RPS29: variants seen among roughly 807,000 people sequenced by gnomAD.
The protein encoded by RPS29 is ribosomal protein S29, also known as small ribosomal subunit protein uS14.
For missense variants in RPS29, 60 were observed against 75.7 expected, an observed-to-expected ratio of 0.79 and a Z score of 0.77; for synonymous variants, 37 against 26.9, an observed-to-expected ratio of 1.37 and a Z score of -1.16.
At chr14:49,588,870 T>A (rs1881650262), upstream of RPS29, among the ~76,000 whole-genome samples, 1 of 142,736 alleles carries the variant, frequency 7.0e-6, no homozygotes, top group African/African-American at 2.5e-5. Flanking sequence ...TTACAGTTTC[T>A]GAGTCCTTTT....
chr14:49,588,536 C>CAT (rs1566484446), upstream of RPS29, among the ~76,000 whole-genome samples: 1 of 150,416 alleles, frequency 6.6e-6, no homozygotes, highest in Non-Finnish European at 1.5e-5. Context: ...GTTTTTTTTC[C>CAT]TTTTTTTTTG....
chr14:49,580,081 G>C (rs1228670491), downstream of RPS29, among the ~76,000 whole-genome samples: 1 of 152,148 alleles, frequency 6.6e-6, no homozygotes, highest in Non-Finnish European at 1.5e-5. Flanking sequence ...TCTAGGGAGT[G>C]TTTCCCTTCC....
chr14:49,580,793 G>A (rs1200153054), downstream of RPS29, among the ~76,000 whole-genome samples: 2 of 152,002 alleles, frequency 1.3e-5, no homozygotes, highest in African/African-American at 4.8e-5. Context: ...GCTGAGGCAG[G>A]AGAATCGCCT....
exon 3 of RPS29, chr14:49,573,954 A>C (rs1881116937): frequency 6.6e-6 from 1 of 152,242 alleles, no homozygotes; most frequent in African/African-American, 2.4e-5. Flanking sequence ...CCAAGAGGCA[A>C]GTTTCATTTC....
At chr14:49,584,471 C>A (rs1305216037) in intron 2 of RPS29, among the ~76,000 whole-genome samples, 1 of 152,180 alleles carries the variant, frequency 6.6e-6, no homozygotes, top group East Asian at 1.9e-4. Flanking sequence ...TTCATATTAA[C>A]AATTTACAAC....
At chr14:49,581,783 CTT>C (rs1354528340), downstream of RPS29, among the ~76,000 whole-genome samples, 1 of 152,088 alleles carries the variant, frequency 6.6e-6, no homozygotes, top group Non-Finnish European at 1.5e-5. Context: ...AATCCCAACA[CTT>C]TGAGAGACCA....
chr14:49,578,130 G>A (rs777199255), intron 2 of RPS29, among the ~76,000 whole-genome samples: 1 of 151,246 alleles, frequency 6.6e-6, no homozygotes, highest in South Asian at 2.1e-4. Context: ...TTTTTTCAGA[G>A]ATTAGACTTG....
chr14:49,576,802 A>T (rs4581611), exon 3 of RPS29: 104,381 of 152,104 alleles, frequency 0.69, 36,961 homozygotes, highest in Non-Finnish European at 0.74. Flanking sequence ...TATAAGGGAT[A>T]TCTGCTTTCA....
chr14:49,577,467 G>A, exon 3 of RPS29: 1 of 447,820 alleles, frequency 2.2e-6, no homozygotes, highest in Non-Finnish European at 4.2e-6. Context: ...CTCTTTCCAA[G>A]ATGGCTTTGC....
At chr14:49,571,190 T>A (rs1881047009) in exon 3 of RPS29, 1 of 152,082 alleles carries the variant, frequency 6.6e-6, no homozygotes, top group South Asian at 2.1e-4. Flanking sequence ...ACAGGAATAA[T>A]CCCCAGAAAA....
upstream of RPS29, among the ~76,000 whole-genome samples, chr14:49,590,345 G>T (rs377201225): frequency 2.7e-4 from 41 of 151,906 alleles, no homozygotes; most frequent in East Asian, 5.5e-3. Context: ...GCATGGTGGC[G>T]GGCGCCTGTA....
chr14:49,586,584 G>A (rs897457308), upstream of RPS29: 4 of 537,138 alleles, frequency 7.4e-6, no homozygotes, highest in South Asian at 2.1e-5. Context: ...CCGACCGCCG[G>A]GCGCGGTGGC....
At chr14:49,589,376 A>G (rs1594576602), upstream of RPS29, among the ~76,000 whole-genome samples, 6 of 152,360 alleles carry the variant, frequency 3.9e-5, no homozygotes, top group South Asian at 1.2e-3. Flanking sequence ...TGAAAAACTA[A>G]AAGTAATATA....
At chr14:49,586,869 C>G (rs1464118749), upstream of RPS29, 2 of 160,912 alleles carry the variant, frequency 1.2e-5, no homozygotes, top group African/African-American at 4.8e-5. Flanking sequence ...CATAGCGAGA[C>G]CCCGTCTCTT....
downstream of RPS29, among the ~76,000 whole-genome samples, chr14:49,581,884 C>G (rs1881345156): frequency 6.6e-6 from 1 of 151,754 alleles, no homozygotes; most frequent in South Asian, 2.1e-4. Flanking sequence ...ATTATCCTGG[C>G]ATGGTGGTGT....
upstream of RPS29, chr14:49,598,705 C>T (rs1021569675): frequency 1.4e-6 from 1 of 699,706 alleles, no homozygotes; most frequent in Non-Finnish European, 2.6e-6. Context: ...ACAACCACCG[C>T]TGCCAGCTGC....
upstream of RPS29, among the ~76,000 whole-genome samples, chr14:49,587,319 G>A (rs554729284): frequency 6.6e-6 from 1 of 152,282 alleles, no homozygotes; most frequent in East Asian, 1.9e-4. Context: ...ATGCAAAAAT[G>A]CAAAAAACCA....
upstream of RPS29, among the ~76,000 whole-genome samples, chr14:49,588,776 A>C (rs1881647435): frequency 6.7e-6 from 1 of 148,544 alleles, no homozygotes; most frequent in Non-Finnish European, 1.5e-5. Context: ...TAATCCACCC[A>C]CCTCAGCCTC....
chr14:49,597,017 C>T (rs968021653), intron 1 of RPS29, among the ~76,000 whole-genome samples: 5 of 150,752 alleles, frequency 3.3e-5, no homozygotes, highest in Non-Finnish European at 5.9e-5. Flanking sequence ...CAGGTTCAAG[C>T]GATTCTCCTG....
Sources: allele counts gnomAD v4.1 joint callset (sites outside exome capture counted in the v4.1 genomes callset), GRCh38; gene constraint gnomAD v4.1.1; transcripts MANE v1.5; gene names NCBI Gene and HGNC (gene_info 2026-07-23, HGNC 2026-07-21).